The following CROCC variants were observed in gnomAD, a reference collection of about 807,000 sequenced individuals.
CROCC encodes rootletin.
A neutral mutation model predicts 245.2 loss-of-function variants in CROCC; 180 were observed. The observed-to-expected ratio is 0.73, with a 90% confidence interval of 0.65 to 0.83. The LOEUF (loss-of-function observed/expected upper bound fraction) is 0.83, where lower values mean the gene tolerates loss of function less well. CROCC is among the 40% of genes least tolerant of loss of function. The pLI, the probability that CROCC is intolerant of heterozygous loss-of-function variation, is 0.00. For synonymous variants in CROCC, 1,205 were observed against 1,241.6 expected (o/e 0.97, Z 0.62); for missense variants, 2,688 against 2,779.4 (o/e 0.97, Z 0.74).
At chr1:16,914,116 G>T (rs1391895311) in intron 1 of CROCC, among the ~76,000 whole-genome samples, 1 of 151,428 alleles carries the variant, frequency 6.6e-6, no homozygotes. Context: ...GGCAGCAGCG[G>T]CTGCGGCGAA....
chr1:16,958,450 C>A, intron 25 of CROCC, 133 bp from the exon 26 acceptor site: 1 of 1,105,618 alleles, frequency 9.0e-7, no homozygotes, highest in Non-Finnish European at 1.3e-6. Flanking sequence ...TGTGTAGGGG[C>A]CGGCTCCCAG....
chr1:16,947,294 C>G (rs1273160300), intron 17 of CROCC, among the ~76,000 whole-genome samples: 3 of 152,226 alleles, frequency 2.0e-5, no homozygotes, highest in Non-Finnish European at 4.4e-5. Flanking sequence ...CTGGCTAACA[C>G]GGTGAAACCC....
At chr1:16,957,354 C>A (rs1171541569) in intron 25 of CROCC, among the ~76,000 whole-genome samples, 2 of 152,160 alleles carry the variant, frequency 1.3e-5, no homozygotes, top group African/African-American at 2.4e-5. Context: ...CTGCAGTGAG[C>A]TGTGATCGCA....
rs1484777541 is a variant in CROCC at position 16,936,781 on chromosome 1, G to C, written c.1101G>C (p.Leu367=). 3.1e-6 allele frequency: 5 copies of C among 1,611,694 alleles called. No individual in the cohort carries two copies. Among genetic ancestry groups the C allele is most frequent in the Middle Eastern group, 1.9e-4 (1 of 5,222 alleles). The change falls in exon 9 of 37, where the codon CTG becomes CTC. Residue 367 remains leucine, a synonymous_variant. Coordinates refer to ENST00000375541, the MANE Select transcript of CROCC (RefSeq NM_014675.5). ...LEKQALLQAQ[L]EEQLRDKVLR... The stretch of plus-strand genomic sequence containing the variant: ...AACAGGCCCTGCTGCAGGCCCAGCT[G>C]GAGGAGCAGCTGCGGGACAAGGTGC...
intron 3 of CROCC, among the ~76,000 whole-genome samples, chr1:16,929,129 A>C (rs1179340052): frequency 6.6e-6 from 1 of 152,270 alleles, no homozygotes; most frequent in Admixed American, 6.5e-5. Flanking sequence ...ACCCAGCCAG[A>C]AGGGGGCATT....
At chr1:16,923,552 TC>T (rs1462248906) in intron 2 of CROCC, among the ~76,000 whole-genome samples, 2 of 152,344 alleles carry the variant, frequency 1.3e-5, no homozygotes, top group East Asian at 3.8e-4. Context: ...TCTTTCTCCT[TC>T]TCCTCACAAC....
At chr1:16,958,499 C>T (rs1253282702) in intron 25 of CROCC, 84 bp from the exon 26 acceptor site, 4 of 1,477,244 alleles carry the variant, frequency 2.7e-6, no homozygotes, top group East Asian at 2.5e-5. Flanking sequence ...GTCCCTACAG[C>T]AGTAGGTACC....
rs570592104 is a variant in CROCC, at chr1:16,931,250, G to C, written c.850-41G>C. The C allele has an allele frequency of 2.6e-6, 4 of 1,553,014 alleles. No homozygotes were observed. The South Asian group carries it at 4.5e-5, about 17-fold the overall frequency. Reference sequence around the variant, plus strand: ...GGAAGCAGTGGGAGGGAGTAAACCCGCTCTCACACCAACCCTTCCCTCGGC... The same window carrying C: ...GGAAGCAGTGGGAGGGAGTAAACCCCCTCTCACACCAACCCTTCCCTCGGC... On this transcript the variant is annotated intron_variant, in intron 7 of 36. Transcript: ENST00000375541.
intron 25 of CROCC, among the ~76,000 whole-genome samples, chr1:16,957,170 G>A (rs1570690244): frequency 6.6e-6 from 1 of 152,260 alleles, no homozygotes; most frequent in East Asian, 1.9e-4. Flanking sequence ...GCTTTGGGAG[G>A]CCAAGTTGGG....
Position 16,930,223 on chromosome 1 carries a change from G to T in CROCC, c.621+16G>T. On this transcript the variant is annotated intron_variant, in intron 5 of 36. Transcript: ENST00000375541. ...GCGGCTGAGGGTGGGTGCCAGTGTG[G>T]GGCAGGGGCAGGCCCTGCCCTCCAC... 6.3e-7 allele frequency: 1 copy of T among 1,586,096 alleles called. No homozygotes were observed. Among genetic ancestry groups the T allele is most frequent in the South Asian group, 1.1e-5 (1 of 87,286 alleles).
At chr1:16,918,782 G>C (rs1256799754), upstream of CROCC, among the ~76,000 whole-genome samples, 2 of 150,214 alleles carry the variant, frequency 1.3e-5, no homozygotes, top group Non-Finnish European at 3.0e-5. Flanking sequence ...TGTCACCCAG[G>C]CTGGAGTACA....
chr1:16,948,594 G>A (rs538901012), intron 18 of CROCC, 70 bp downstream of exon 18: 31 of 1,472,140 alleles, frequency 2.1e-5, no homozygotes, highest in Middle Eastern at 2.5e-4. Context: ...CCAGCCACAC[G>A]CAGGCACGGG....
At position 16,936,811 on chromosome 1, in the gene CROCC, C is replaced by T. The variant is rs370865718; in HGVS notation, c.1131C>T (p.Arg377=). The T allele has an allele frequency of 2.4e-5, 39 of 1,612,088 alleles. No homozygotes were observed. In the South Asian group the frequency reaches 3.1e-4, roughly 13 times the overall value. Residue 377 remains arginine (R), a synonymous_variant, in exon 9 of 37, where the codon CGC becomes CGT. Coordinates refer to ENST00000375541, the MANE Select transcript of CROCC (RefSeq NM_014675.5). The part of the protein sequence containing the change: ...LEEQLRDKVL[R]EKDLAQQQMQ... ...AGCAGCTGCGGGACAAGGTGCTCCGCGAGAAGGACCTGGCGCAGCAGCAGA... is the reference window on the plus strand; with the variant it reads ...AGCAGCTGCGGGACAAGGTGCTCCGTGAGAAGGACCTGGCGCAGCAGCAGA...
chr1:16,948,202 A>G, intron 17 of CROCC, 129 bp from the exon 18 acceptor site: 1 of 1,424,074 alleles, frequency 7.0e-7, no homozygotes, highest in Non-Finnish European at 9.2e-7. Context: ...CATGTAGCAC[A>G]TCAGGGCAGA....
At chr1:16,935,382 G>A (rs2075765853) in intron 8 of CROCC, among the ~76,000 whole-genome samples, 1 of 152,248 alleles carries the variant, frequency 6.6e-6, no homozygotes, top group African/African-American at 2.4e-5. Context: ...AGGTGGCTCT[G>A]TGTCAGGCCA....
Position 16,954,945 on chromosome 1 carries a change from C to T in CROCC, c.3465+68C>T, listed in dbSNP as rs1434136993. The T allele has an allele frequency of 1.4e-6, 2 of 1,437,066 alleles. No individual in the cohort carries two copies. The highest frequency in any genetic ancestry group is 9.2e-7 in the Non-Finnish European group (1 of 1,085,346). 89.0% of individuals were successfully genotyped at this position (1,437,066 alleles called of 1,614,324 possible). A position where few individuals can be genotyped will look rare whatever the true frequency, so the allele number is the denominator to read the frequency against. On this transcript the variant is annotated intron_variant, in intron 23 of 36. Coordinates refer to ENST00000375541, the MANE Select transcript of CROCC (RefSeq NM_014675.5). This position sits in a 1 kb window ranked among gnomAD's most constrained non-coding sequence, Gnocchi z 4.4. ...GCACTGTGTGCCTGGGGGCCTAGTT[C>T]CCCAGGGCCCCAGAAGAGTGTAAGA...
intron 26 of CROCC, among the ~76,000 whole-genome samples, chr1:16,959,985 AG>A (rs749349237): frequency 2.6e-4 from 39 of 151,758 alleles, no homozygotes; most frequent in Non-Finnish European, 4.7e-4. Context: ...AAACAAAAAC[AG>A]CCGGGCGCAG....
chr1:16,934,842 CTTT>C (rs1217093510), intron 8 of CROCC, among the ~76,000 whole-genome samples: 2 of 42,846 alleles, frequency 4.7e-5, no homozygotes, highest in Non-Finnish European at 9.1e-5. Context: ...TCTTCTTCTT[CTTT>C]TTTTTTTTGG....
chr1:16,928,003 C>T (rs2075574835), intron 3 of CROCC, among the ~76,000 whole-genome samples: 1 of 152,284 alleles, frequency 6.6e-6, no homozygotes, highest in South Asian at 2.1e-4. Flanking sequence ...CATCTCTCAG[C>T]ATATGGGGTC....
Sources: gnomAD v4.1 joint callset for allele counts (sites outside exome capture counted in the v4.1 genomes callset) on GRCh38, gnomAD v4.1.1 for gene constraint, Gnocchi (gnomAD v3.1) non-coding constraint, MANE v1.5 for transcripts, NCBI Gene and HGNC (gene_info 2026-07-23, HGNC 2026-07-21) for gene names.